Variants in EML6 observed in about 807,000 individuals in gnomAD.
EML6 encodes EMAP like 6, also known as echinoderm microtubule-associated protein-like 6.
In EML6, 154 loss-of-function variants were observed where a neutral mutation model predicts 240.1. The observed-to-expected ratio is 0.64, with a 90% CI of 0.56 to 0.73. The LOEUF (loss-of-function observed/expected upper bound fraction) is 0.73, where lower values mean the gene tolerates loss of function less well. Ranked by LOEUF, EML6 falls within the 30% of genes least tolerant of loss-of-function variation. EML6 has a pLI of 0.00. For synonymous variants in EML6, 1,148 were observed against 899.0 expected, an observed-to-expected ratio of 1.28 and a Z score of -4.95; for missense variants, 2,964 against 2,474.6, an observed-to-expected ratio of 1.20 and a Z score of -4.20.
At chr2:54,888,359 G>A (rs566566246) in intron 17 of EML6, among the ~76,000 whole-genome samples, 1 of 152,334 alleles carries the variant, frequency 6.6e-6, no homozygotes, top group South Asian at 2.1e-4. Context: ...ATCAGGTGAT[G>A]TAACTTGCAA....
chr2:54,736,252 C>T (rs939173719), intron 2 of EML6, among the ~76,000 whole-genome samples: 1 of 152,218 alleles, frequency 6.6e-6, no homozygotes, highest in Non-Finnish European at 1.5e-5. Flanking sequence ...TTAGGAAGAT[C>T]ATTGCAGGAG....
intron 28 of EML6, among the ~76,000 whole-genome samples, chr2:54,947,928 G>A (rs952554721): frequency 2.6e-5 from 4 of 152,206 alleles, no homozygotes; most frequent in Non-Finnish European, 4.4e-5. Flanking sequence ...GAAAATGCTT[G>A]TGCATGAATG....
chr2:54,787,550 T>C (rs1488067550), intron 2 of EML6, among the ~76,000 whole-genome samples: 2 of 152,198 alleles, frequency 1.3e-5, no homozygotes, highest in Non-Finnish European at 2.9e-5. Flanking sequence ...TTCTTGAGCA[T>C]TAAATGAGAT....
intron 26 of EML6, among the ~76,000 whole-genome samples, chr2:54,920,942 G>A (rs1674213675): frequency 6.6e-6 from 1 of 151,688 alleles, no homozygotes; most frequent in African/African-American, 2.4e-5. Context: ...AGAAAAGGAT[G>A]GACAAAATTC....
At chr2:54,807,244 T>C (rs373801071) in intron 2 of EML6, among the ~76,000 whole-genome samples, 14 of 152,352 alleles carry the variant, frequency 9.2e-5, no homozygotes, top group African/African-American at 3.1e-4. Context: ...GTTCACATCA[T>C]TGGCAAATGA....
chr2:54,971,789 T>G lies in EML6; in HGVS notation c.*1694T>G, dbSNP rs1334871093. On this transcript the variant is annotated 3_prime_UTR_variant, in exon 42 of 42. Transcript: ENST00000356458. ...TTGAAATAACCATGTGGAAGAACAA[T>G]GAATCGATTAATGATGACATGTACA... 2 of 152,136 alleles carry G rather than the reference T, an allele frequency of 1.3e-5. No homozygotes were observed. The highest frequency in any genetic ancestry group is 2.9e-5 in the Non-Finnish European group (2 of 68,016). 9.4% of individuals were successfully genotyped at this position (152,136 alleles called of 1,614,324 possible).
intron 4 of EML6, among the ~76,000 whole-genome samples, chr2:54,818,824 T>C (rs1668195879): frequency 6.6e-6 from 1 of 152,206 alleles, no homozygotes; most frequent in African/African-American, 2.4e-5. Flanking sequence ...GACCCCATAA[T>C]CTGTGTCACA....
intron 24 of EML6, among the ~76,000 whole-genome samples, chr2:54,909,261 T>C (rs1158053320): frequency 1.3e-5 from 2 of 152,234 alleles, no homozygotes; most frequent in African/African-American, 4.8e-5. Context: ...ACTTTACAGA[T>C]GTATTTAGTT....
At chr2:54,797,391 C>G (rs1669876397) in intron 2 of EML6, among the ~76,000 whole-genome samples, 1 of 152,002 alleles carries the variant, frequency 6.6e-6, no homozygotes, top group African/African-American at 2.4e-5. Context: ...CTAACCATGT[C>G]TTCTAGTAAT....
intron 26 of EML6, among the ~76,000 whole-genome samples, chr2:54,923,058 C>G (rs1674346119): frequency 6.6e-6 from 1 of 150,640 alleles, no homozygotes; most frequent in African/African-American, 2.4e-5. Context: ...TCTCCTGCCT[C>G]AGCCCCCTGA....
Position 54,868,979 on chromosome 2 carries a change from C to T in EML6, c.2052-202C>T, listed in dbSNP as rs1038550277. The T allele has an allele frequency of 2.4e-5, 12 of 499,586 alleles. No homozygotes were observed. The South Asian group carries it at 3.3e-4, about 14-fold the overall frequency. The allele number at this position is 499,586 out of a possible 1,614,324, so 30.9% of individuals were successfully genotyped here. ...TGCTAACAGATTCTGTTACAATGTTCAGTGCCCATGTGCCTTTTTGAGAGT... is the reference window on the plus strand; with the variant it reads ...TGCTAACAGATTCTGTTACAATGTTTAGTGCCCATGTGCCTTTTTGAGAGT... On this transcript the variant is annotated intron_variant, in intron 14 of 41. Coordinates refer to ENST00000356458, the MANE Select transcript of EML6 (RefSeq NM_001039753.4).
chr2:54,770,238 AT>A (rs1464353768), intron 2 of EML6, among the ~76,000 whole-genome samples: 1 of 152,222 alleles, frequency 6.6e-6, no homozygotes, highest in Non-Finnish European at 1.5e-5. Flanking sequence ...GTATAAGGAT[AT>A]AATTTATCAT....
chr2:54,805,221 G>A (rs748577777), intron 2 of EML6, among the ~76,000 whole-genome samples: 3 of 152,080 alleles, frequency 2.0e-5, no homozygotes, highest in East Asian at 1.9e-4. Flanking sequence ...CTTGTTGTAC[G>A]TGTGACCTAT....
intron 23 of EML6, 66 bp from the exon 24 acceptor site, chr2:54,903,305 C>T: frequency 2.6e-6 from 4 of 1,527,044 alleles, no homozygotes; most frequent in Non-Finnish European, 3.5e-6. Flanking sequence ...TTTTAAAATA[C>T]TAAGTTCCTG....
At position 54,971,414 on chromosome 2, in the gene EML6, C is replaced by A. The variant is rs1303286810; in HGVS notation, c.*1319C>A. Reference sequence around the variant, plus strand: ...ACTGGTGGTTCTGAGCACATAGACGCCTATTAGTCCTTCTGGTCAGTGAAC... The same window carrying A: ...ACTGGTGGTTCTGAGCACATAGACGACTATTAGTCCTTCTGGTCAGTGAAC... On this transcript the variant is annotated 3_prime_UTR_variant, in exon 42 of 42. Transcript: ENST00000356458. 1 of 152,174 alleles carries A rather than the reference C, an allele frequency of 6.6e-6. No individual in the cohort carries two copies. The highest frequency in any genetic ancestry group is 1.5e-5 in the Non-Finnish European group (1 of 68,028). 9.4% of individuals were successfully genotyped at this position (152,174 alleles called of 1,614,324 possible). A position where few individuals can be genotyped will look rare whatever the true frequency, so the allele number is the denominator to read the frequency against.
At chr2:54,812,053 G>T (rs1037047354) in intron 2 of EML6, among the ~76,000 whole-genome samples, 3 of 152,054 alleles carry the variant, frequency 2.0e-5, no homozygotes, top group Non-Finnish European at 2.9e-5. Context: ...ATTCACACAG[G>T]CATGTTTATG....
chr2:54,725,232 C>T lies in EML6; in HGVS notation c.171C>T (p.Phe57=). The T allele has an allele frequency of 6.7e-7, 1 of 1,490,970 alleles. No homozygotes were observed. The highest frequency in any genetic ancestry group is 9.0e-7 in the Non-Finnish European group (1 of 1,115,438). The allele number at this position is 1,490,970 out of a possible 1,614,324, so 92.4% of individuals were successfully genotyped here. A position where few individuals can be genotyped will look rare whatever the true frequency, so the allele number is the denominator to read the frequency against. Residue 57 remains phenylalanine (F), a synonymous_variant, in exon 2 of 42, where the codon TTC becomes TTT. Transcript: ENST00000356458. This position sits in a 1 kb window ranked among gnomAD's most constrained non-coding sequence, Gnocchi z 4.3. Reference sequence around the variant, plus strand: ...CCCGCGAGCACAGCCAAAAATTCTTCCTGGGACACAACGACGACATTATCA... The same window carrying T: ...CCCGCGAGCACAGCCAAAAATTCTTTCTGGGACACAACGACGACATTATCA... ...YNTREHSQKF[F]LGHNDDIISL...
chr2:54,802,656 A>G lies in EML6; in HGVS notation c.198-10576A>G, dbSNP rs147664076. Among the ~76,000 whole-genome samples, 114 of 127,814 alleles carry G rather than the reference A, an allele frequency of 8.9e-4. 1 individual carries two copies. The highest frequency in any genetic ancestry group is 2.7e-3 in the African/African-American group (101 of 36,828). The allele number at this position is 127,814 out of a possible 152,430, so 83.9% of individuals were successfully genotyped here. ...TACTACTACTACTACTACTACTACT[A>G]CTACTACTACTGCTACTACTACTAC... On this transcript the variant is annotated intron_variant, in intron 2 of 41. Transcript: ENST00000356458.
chr2:54,870,948 A>G (rs1218085947), intron 15 of EML6, among the ~76,000 whole-genome samples: 1 of 152,196 alleles, frequency 6.6e-6, no homozygotes, highest in African/African-American at 2.4e-5. Context: ...CTCTACTATT[A>G]TAATTTTCTT....
Sources: allele counts gnomAD v4.1 joint callset (sites outside exome capture counted in the v4.1 genomes callset), GRCh38; gene constraint gnomAD v4.1.1; non-coding constraint Gnocchi (gnomAD v3.1); transcripts MANE v1.5; gene names NCBI Gene and HGNC (gene_info 2026-07-23, HGNC 2026-07-21).